RNF213: variants seen among roughly 807,000 people sequenced by gnomAD.
The protein encoded by RNF213 is E3 ubiquitin-protein ligase RNF213.
In RNF213, 341 loss-of-function variants were observed where a neutral mutation model predicts 514.4. That is an observed-to-expected ratio of 0.66 (90% CI 0.61 to 0.73). The LOEUF (loss-of-function observed/expected upper bound fraction) is 0.73, where lower values mean the gene tolerates loss of function less well. Ranked by LOEUF, RNF213 falls within the 30% of genes least tolerant of loss-of-function variation. The pLI, the probability that RNF213 is intolerant of heterozygous loss-of-function variation, is 0.00. For missense variants in RNF213, 5,767 were observed against 6,615.6 expected, an observed-to-expected ratio of 0.87 and a Z score of 4.45; for synonymous variants, 2,655 against 2,658.2, an observed-to-expected ratio of 1.00 and a Z score of 0.04.
intron 47 of RNF213, 98 bp downstream of exon 47, chr17:80,372,083 A>C (rs2079539035): frequency 1.3e-6 from 1 of 778,026 alleles, no homozygotes; most frequent in South Asian, 1.4e-5. Context: ...ATAATTAACG[A>C]ATGCTCTGTT....
chr17:80,318,820 G>A (rs756562253), intron 16 of RNF213, among the ~76,000 whole-genome samples: 18 of 152,120 alleles, frequency 1.2e-4, no homozygotes, highest in African/African-American at 2.9e-4. Flanking sequence ...TGATCCACCC[G>A]CCTCAGCCTC....
rs1288915764 is a variant in RNF213, at chr17:80,295,789, G to A, written c.1988G>A (p.Ser663Asn). 2 of 1,614,008 alleles carry A rather than the reference G, an allele frequency of 1.2e-6. No individual in the cohort carries two copies. The highest frequency in any genetic ancestry group is 1.7e-5 in the Admixed American group (1 of 59,982). ...SSPDEFHRDL[S>N]HILGIPQSWR... is the part of the protein sequence containing the mutation. Reference sequence around the variant, plus strand: ...CCAGATGAGTTTCACCGTGACCTAAGCCACATCCTTGGGATACCTCAGAGG... The same window carrying A: ...CCAGATGAGTTTCACCGTGACCTAAACCACATCCTTGGGATACCTCAGAGG... The change falls in exon 10 of 68, where the codon AGC becomes AAC. Residue 663 changes from serine (S) to asparagine (N), a missense_variant. By Grantham distance (46) the Ser-to-Asn change is conservative (BLOSUM62 1). Around this residue, in one of 13 missense-constraint regions of RNF213, gnomAD observed 592 missense variants for 673.9 expected, o/e 0.88. Coordinates refer to ENST00000582970, the MANE Select transcript of RNF213 (RefSeq NM_001256071.3).
At chr17:80,280,271 T>C (rs550559606) in intron 3 of RNF213, among the ~76,000 whole-genome samples, 3 of 152,254 alleles carry the variant, frequency 2.0e-5, no homozygotes, top group East Asian at 1.9e-4. Flanking sequence ...TCATAGGCCA[T>C]GCGAGGAGAA....
rs761047642 is a variant in RNF213, at chr17:80,339,896, C to A, written c.5529C>A (p.Ala1843=). 5 of 1,536,910 alleles carry A rather than the reference C, an allele frequency of 3.3e-6. No individual in the cohort carries two copies. Among genetic ancestry groups the A allele is most frequent in the Non-Finnish European group, 2.6e-6 (3 of 1,146,900 alleles). The change falls in exon 26 of 68, where the codon GCC becomes GCA. Residue 1843 remains alanine, a synonymous_variant. Transcript: ENST00000582970. ...VVCGHSEVLP[A]ALAVYMQTPS... ...GTGGCCACTCCGAGGTGTTGCCAGC[C>A]GCCCTGGCTGTCTACATGCAAACCC...
chr17:80,268,278 C>T (rs896178733), intron 2 of RNF213, among the ~76,000 whole-genome samples: 7 of 148,742 alleles, frequency 4.7e-5, no homozygotes, highest in African/African-American at 1.7e-4. Flanking sequence ...TGCTGGAGCC[C>T]AGGAGGTCAA....
In RNF213 at chr17:80,383,668, T is replaced by G; in HGVS notation, c.14071-9T>G. On this transcript the variant is annotated splice_polypyrimidine_tract_variant and intron_variant, in intron 58 of 67. Transcript: ENST00000582970. ...TTCCAGAATTTTTTTTTTCATTTTC[T>G]CCATCCAGCATCTAGATAAAACCCT... 6.2e-7 allele frequency: 1 copy of G among 1,613,880 alleles called. No individual in the cohort carries two copies. The highest frequency in any genetic ancestry group is 8.5e-7 in the Non-Finnish European group (1 of 1,179,900).
At position 80,372,732 on chromosome 17, in the gene RNF213, C is replaced by T; in HGVS notation, c.12749C>T (p.Pro4250Leu). The change falls in exon 48 of 68, where the codon CCA becomes CTA. Residue 4250 changes from proline to leucine, a missense_variant and splice_region_variant. By Grantham distance (98) the Pro-to-Leu change is moderately conservative (BLOSUM62 -3). Around this residue, in one of 13 missense-constraint regions of RNF213, gnomAD observed 1,245 missense variants for 1,339.0 expected, o/e 0.93. Coordinates refer to ENST00000582970, the MANE Select transcript of RNF213 (RefSeq NM_001256071.3). Reference protein sequence around the residue: ...ADFLSEPEGGPEMAKEKQCYL... With the variant: ...ADFLSEPEGGLEMAKEKQCYL... ...TTCCTCTCGGAGCCTGAGGGAGGCC[C>T]AGGCAAGTCTTCTCTGCCTTGCTTT... is the stretch of plus-strand genomic sequence containing the variant. The T allele has an allele frequency of 6.2e-7, 1 of 1,613,178 alleles. No individual in the cohort carries two copies.
rs1297905619 is a variant in RNF213, at chr17:80,385,190, A to G, written c.14455+19A>G. On this transcript the variant is annotated intron_variant, in intron 60 of 67. Transcript: ENST00000582970. ...AGCTCAGGTGTGGCTCTGCTCTGAC[A>G]GGACCAGGACTGTCCCGCATTTGGC... 2 of 1,613,994 alleles carry G rather than the reference A, an allele frequency of 1.2e-6. No individual in the cohort carries two copies. Among genetic ancestry groups the G allele is most frequent in the Non-Finnish European group, 1.7e-6 (2 of 1,179,976 alleles).
chr17:80,367,959 A>C lies in RNF213; in HGVS notation c.11973-2A>C, dbSNP rs1443623210. On this transcript the variant is annotated splice_acceptor_variant, in intron 43 of 67. Coordinates refer to ENST00000582970, the MANE Select transcript of RNF213 (RefSeq NM_001256071.3). LOFTEE classifies it high-confidence loss of function. The stretch of plus-strand genomic sequence containing the variant: ...GAACTGATTGCCCTTCTTGGATTCT[A>C]GGTTTGGGATTCAGCCGTGCTCCAT... The C allele has an allele frequency of 6.2e-7, 1 of 1,614,176 alleles. No individual in the cohort carries two copies. The highest frequency in any genetic ancestry group is 2.2e-5 in the East Asian group (1 of 44,888).
chr17:80,389,682 G>T, intron 65 of RNF213, 146 bp from the exon 66 acceptor site: 1 of 758,528 alleles, frequency 1.3e-6, no homozygotes, highest in Non-Finnish European at 2.3e-6. Context: ...GACAGAGATG[G>T]CCTTCACAAG....
chr17:80,368,700 A>G (rs550135477), intron 44 of RNF213, among the ~76,000 whole-genome samples: 5 of 152,086 alleles, frequency 3.3e-5, no homozygotes, highest in Admixed American at 6.5e-5. Flanking sequence ...CCCAAAGTGC[A>G]GGGATTACAG....
In RNF213 at chr17:80,377,114, C is replaced by T. The variant is rs760940521; in HGVS notation, c.13510+151C>T. ...TTCTACCGGTGGCGTCTGCAGAAGA[C>T]GAATGGCTTGAAGGAGCTGGCACTC... On this transcript the variant is annotated intron_variant, in intron 53 of 67. Transcript: ENST00000582970. The surrounding 1 kb of genome is among the most constrained non-coding windows in gnomAD (Gnocchi z 4.1). 79 of 678,026 alleles carry T rather than the reference C, an allele frequency of 1.2e-4. No homozygotes were observed. The highest frequency in any genetic ancestry group is 6.9e-4 in the South Asian group (44 of 63,854). 42.0% of individuals were successfully genotyped at this position (678,026 alleles called of 1,614,324 possible).
intron 23 of RNF213, 45 bp downstream of exon 23, chr17:80,336,423 A>G (rs2077989434): frequency 6.7e-7 from 1 of 1,492,690 alleles, no homozygotes; most frequent in African/African-American, 1.4e-5. Context: ...TGAATAGAGC[A>G]TTGCTTAGCA....
Position 80,306,484 on chromosome 17 carries a change from C to T in RNF213, c.2427+16C>T, listed in dbSNP as rs759943553. The T allele has an allele frequency of 3.3e-5, 53 of 1,611,706 alleles. No individual in the cohort carries two copies. Among genetic ancestry groups the T allele is most frequent in the Middle Eastern group, 1.7e-4 (1 of 5,838 alleles). ...GAATACGCAGGTTTGTGTCTGAAGT[C>T]GGCTCTGGAGTCCTGGCTTAGCAAA... On this transcript the variant is annotated intron_variant, in intron 12 of 67. Transcript: ENST00000582970.
intron 52 of RNF213, 42 bp downstream of exon 52, chr17:80,376,585 C>G (rs1225423634): frequency 1.2e-6 from 2 of 1,612,954 alleles, no homozygotes; most frequent in Non-Finnish European, 8.5e-7. Flanking sequence ...ACTGGAACAC[C>G]CCCCAGAGCT....
At chr17:80,290,920 A>G (rs1264575628) in intron 7 of RNF213, among the ~76,000 whole-genome samples, 192 bp downstream of exon 7, 1 of 151,280 alleles carries the variant, frequency 6.6e-6, no homozygotes, top group Non-Finnish European at 1.5e-5. Flanking sequence ...AGCGATTCTC[A>G]TGCCTCAGCT....
At position 80,332,620 on chromosome 17, in the gene RNF213, T is replaced by A; in HGVS notation, c.4132T>A (p.Leu1378Ile). The A allele has an allele frequency of 6.7e-7, 1 of 1,490,498 alleles. No homozygotes were observed. The highest frequency in any genetic ancestry group is 8.9e-7 in the Non-Finnish European group (1 of 1,124,330). The allele number at this position is 1,490,498 out of a possible 1,614,324, so 92.3% of individuals were successfully genotyped here. A position where few individuals can be genotyped will look rare whatever the true frequency, so the allele number is the denominator to read the frequency against. Residue 1378 changes from leucine to isoleucine, a missense_variant, in exon 21 of 68, where the codon TTA becomes ATA. Physicochemically the swap from Leu to Ile is conservative, Grantham distance 5. Coordinates refer to ENST00000582970, the MANE Select transcript of RNF213 (RefSeq NM_001256071.3). ...LNGDFSVLNT[L>I]LNFTDNFDDF... Reference sequence around the variant, plus strand: ...CGGTGACTTCAGTGTTCTCAACACTTTACTAAATTTTGTAAGTTATTTGCT... The same window carrying A: ...CGGTGACTTCAGTGTTCTCAACACTATACTAAATTTTGTAAGTTATTTGCT...
In RNF213 at chr17:80,349,668, G is replaced by A. The variant is rs79587330; in HGVS notation, c.9952-102G>A. On this transcript the variant is annotated intron_variant, in intron 29 of 67. Transcript: ENST00000582970. ...TGTGCCGTTGTGTGGCAACTGCACC[G>A]CGCTGAACATCGCAGGTTTCTAGGA... 4.2e-4 allele frequency: 543 copies of A among 1,298,872 alleles called. 1 individual carries two copies. The African/African-American group carries it at 6.5e-3, about 16-fold the overall frequency. The allele number at this position is 1,298,872 out of a possible 1,614,324, so 80.5% of individuals were successfully genotyped here.
At chr17:80,309,265 T>G (rs1006271565) in intron 14 of RNF213, 94 bp downstream of exon 14, 1 of 1,463,534 alleles carries the variant, frequency 6.8e-7, no homozygotes, top group African/African-American at 1.4e-5. Context: ...GATTCCCGGG[T>G]GCTGGGATGA....
Sources: gnomAD v4.1 joint callset for allele counts (sites outside exome capture counted in the v4.1 genomes callset) on GRCh38, gnomAD v4.1.1 for gene constraint, gnomAD v4.1.1 regional missense constraint, Gnocchi (gnomAD v3.1) non-coding constraint, MANE v1.5 for transcripts, NCBI Gene and HGNC (gene_info 2026-07-23, HGNC 2026-07-21) for gene names.